KIF14: variants seen among roughly 807,000 people sequenced by gnomAD.
The protein encoded by KIF14 is kinesin-like protein KIF14.
Under a neutral mutation model 176.2 loss-of-function variants are expected in KIF14, and 98 were observed. The ratio of observed to expected loss-of-function variants is 0.56; its 90% confidence interval spans 0.47 to 0.66. The LOEUF is 0.66. Ranked by LOEUF, KIF14 falls within the 30% of genes least tolerant of loss-of-function variation. The pLI, the probability that KIF14 is intolerant of heterozygous loss-of-function variation, is 0.00. For synonymous variants in KIF14, 566 were observed against 632.2 expected (o/e 0.90, Z 1.57); for missense variants, 1,751 against 1,920.4 (o/e 0.91, Z 1.65).
chr1:200,560,969 G>A (rs1265749990), intron 25 of KIF14, 89 bp from the exon 26 acceptor site: 63 of 1,231,448 alleles, frequency 5.1e-5, no homozygotes, highest in Non-Finnish European at 7.1e-5. Flanking sequence ...AGCGGCTCAC[G>A]CCTGTAATTC....
chr1:200,615,867 CCT>C (rs1459599663), intron 2 of KIF14, among the ~76,000 whole-genome samples: 2 of 151,988 alleles, frequency 1.3e-5, no homozygotes, highest in African/African-American at 4.8e-5. Flanking sequence ...AAGATTTTTT[CCT>C]CTTTTTTTTT....
At chr1:200,610,859 A>G (rs1315741370) in intron 4 of KIF14, among the ~76,000 whole-genome samples, 1 of 152,190 alleles carries the variant, frequency 6.6e-6, no homozygotes, top group Non-Finnish European at 1.5e-5. Context: ...GAGGCATGAG[A>G]GACAGAGTAG....
chr1:200,618,043 A>T lies in KIF14; in HGVS notation c.681T>A (p.Thr227=). 6.2e-7 allele frequency: 1 copy of T among 1,614,188 alleles called. No individual in the cohort carries two copies. ...NRPPIASLSQ[T]EVVRSGHLTT... ...TCAAGTGTCCTGATCTAACAACTTC[A>T]GTCTGACTCAGGGAAGCAATGGGTG... The change falls in exon 2 of 30, where the codon ACT becomes ACA. Residue 227 remains threonine (T), a synonymous_variant. Coordinates refer to ENST00000367350, the MANE Select transcript of KIF14 (RefSeq NM_014875.3).
intron 1 of KIF14, among the ~76,000 whole-genome samples, chr1:200,619,291 C>A (rs1038647808): frequency 1.5e-5 from 2 of 134,878 alleles, no homozygotes; most frequent in Non-Finnish European, 3.2e-5. Flanking sequence ...TTTATAAATA[C>A]CTGCTACACG....
chr1:200,583,787 C>T lies in KIF14; in HGVS notation c.3241+2314G>A, dbSNP rs184814477. Among the ~76,000 whole-genome samples the T allele has an allele frequency of 2.2e-4, 34 of 151,754 alleles. No individual in the cohort carries two copies. The East Asian group carries it at 6.6e-3, about 29-fold the overall frequency. ...TGAAACCCTGTCTCTACTAAAAATA[C>T]AAAACTTAGCTGGGCATGGTGGTGC... On this transcript the variant is annotated intron_variant, in intron 19 of 29. Transcript: ENST00000367350.
Position 200,569,998 on chromosome 1 carries a change from T to A in KIF14, c.3574A>T (p.Ser1192Cys). 6.3e-7 allele frequency: 1 copy of A among 1,581,610 alleles called. No homozygotes were observed. The highest frequency in any genetic ancestry group is 1.3e-5 in the African/African-American group (1 of 74,554). ...VSSLSRRRSR[S>C]LMKNRRISGC... The stretch of plus-strand genomic sequence containing the variant: ...GAAATTCTTCTGTTCTTCATCAAAC[T>A]CCTACTCCTGAAAAAAGACAAACCA... Residue 1192 changes from serine (S) to cysteine (C), a missense_variant, in exon 23 of 30, where the codon AGT (serine) becomes TGT (cysteine). By Grantham distance (112) the Ser-to-Cys change is moderately radical. Transcript: ENST00000367350.
At chr1:200,568,197 T>C (rs536815389) in intron 23 of KIF14, among the ~76,000 whole-genome samples, 6 of 152,310 alleles carry the variant, frequency 3.9e-5, no homozygotes, top group African/African-American at 1.4e-4. Context: ...ACACGTGGGT[T>C]TCCATTACTG....
chr1:200,595,535 G>C (rs1159105051), intron 14 of KIF14, among the ~76,000 whole-genome samples: 6 of 152,200 alleles, frequency 3.9e-5, no homozygotes, highest in African/African-American at 9.6e-5. Context: ...AACTCTTTGG[G>C]AGCATGTTCT....
At chr1:200,593,533 AAG>A in intron 15 of KIF14, 132 bp downstream of exon 15, 1 of 660,662 alleles carries the variant, frequency 1.5e-6, no homozygotes, top group African/African-American at 1.8e-5. Flanking sequence ...TAATAGGAAA[AAG>A]AATTTTTGAA....
intron 3 of KIF14, 128 bp downstream of exon 3, chr1:200,615,226 TA>T: frequency 1.0e-6 from 1 of 986,948 alleles, no homozygotes; most frequent in Non-Finnish European, 1.5e-6. Flanking sequence ...AACTGGTATA[TA>T]AAATGGATGA....
At chr1:200,616,034 T>C (rs930757195) in intron 2 of KIF14, among the ~76,000 whole-genome samples, 31 of 152,338 alleles carry the variant, frequency 2.0e-4, no homozygotes, top group African/African-American at 5.3e-4. Context: ...CTCAGTTGAC[T>C]GTAAGTTTCA....
chr1:200,599,611 T>C (rs763211015), intron 13 of KIF14, among the ~76,000 whole-genome samples: 1 of 152,214 alleles, frequency 6.6e-6, no homozygotes, highest in Non-Finnish European at 1.5e-5. Context: ...TGTTCAACCA[T>C]GCTTTACCTA....
intron 16 of KIF14, among the ~76,000 whole-genome samples, chr1:200,591,445 T>C (rs1164375647): frequency 6.6e-6 from 1 of 152,242 alleles, no homozygotes; most frequent in Non-Finnish European, 1.5e-5. Flanking sequence ...TGATTATGAG[T>C]GTCTCACGTC....
intron 18 of KIF14, among the ~76,000 whole-genome samples, chr1:200,587,450 T>G (rs1181304215): frequency 6.7e-6 from 1 of 148,234 alleles, no homozygotes; most frequent in African/African-American, 2.5e-5. Flanking sequence ...GTTGACTAAA[T>G]AAAGAAGTTA....
At chr1:200,612,797 C>T (rs1196831294) in intron 4 of KIF14, among the ~76,000 whole-genome samples, 2 of 151,856 alleles carry the variant, frequency 1.3e-5, no homozygotes, top group East Asian at 1.9e-4. Flanking sequence ...TCCTCCATTT[C>T]CAATAATCAG....
intron 8 of KIF14, 27 bp downstream of exon 8, chr1:200,605,256 G>A (rs1659819961): frequency 6.4e-7 from 1 of 1,566,012 alleles, no homozygotes; most frequent in Non-Finnish European, 8.8e-7. Flanking sequence ...AAAACTGAAA[G>A]AGATCGGGAA....
chr1:200,608,523 C>T (rs911599627), intron 5 of KIF14, among the ~76,000 whole-genome samples: 4 of 152,020 alleles, frequency 2.6e-5, no homozygotes, highest in Admixed American at 6.6e-5. Context: ...CCGCCACACC[C>T]GGCTAATTTT....
At chr1:200,579,926 A>G (rs934146432) in intron 21 of KIF14, among the ~76,000 whole-genome samples, 1 of 152,120 alleles carries the variant, frequency 6.6e-6, no homozygotes, top group African/African-American at 2.4e-5. Context: ...ATTTATGTCT[A>G]TCAAATTTCT....
intron 14 of KIF14, among the ~76,000 whole-genome samples, chr1:200,595,512 T>C (rs1164251841): frequency 6.6e-6 from 1 of 152,220 alleles, no homozygotes; most frequent in African/African-American, 2.4e-5. Flanking sequence ...TCCAAGTTCC[T>C]TACTGGACTC....
Sources: gnomAD v4.1 joint callset for allele counts (sites outside exome capture counted in the v4.1 genomes callset) on GRCh38, gnomAD v4.1.1 for gene constraint, MANE v1.5 for transcripts, NCBI Gene and HGNC (gene_info 2026-07-23, HGNC 2026-07-21) for gene names.